ERC2: variants seen among roughly 807,000 people sequenced by gnomAD.
ERC2 encodes the protein ELKS/RAB6-interacting/CAST family member 2.
Under a neutral mutation model 114.8 loss-of-function variants are expected in ERC2, and 42 were observed. The ratio of observed to expected loss-of-function variants is 0.37; its 90% CI spans 0.29 to 0.47. The LOEUF (loss-of-function observed/expected upper bound fraction) is 0.47. Among genes scored for constraint, ERC2 ranks in the 20% least tolerant of loss-of-function variants. The probability of loss-of-function intolerance (pLI) is 0.99; values close to 1 mark genes in which losing one functional copy is unlikely to be tolerated. For missense variants in ERC2, 939 were observed against 1,150.7 expected, an observed-to-expected ratio of 0.82 and a Z score of 2.66; for synonymous variants, 454 against 425.5, an observed-to-expected ratio of 1.07 and a Z score of -0.82.
At chr3:56,330,780 A>T (rs1219626499) in intron 2 of ERC2, among the ~76,000 whole-genome samples, 1 of 152,242 alleles carries the variant, frequency 6.6e-6, no homozygotes, top group East Asian at 1.9e-4. Flanking sequence ...TTCTGGTCCC[A>T]GGCATCTTGG....
chr3:56,005,160 T>A (rs143748705), intron 10 of ERC2, among the ~76,000 whole-genome samples: 1 of 152,112 alleles, frequency 6.6e-6, no homozygotes, highest in African/African-American at 2.4e-5. Flanking sequence ...CACTGCACTA[T>A]GCATTTAGGA....
intron 17 of ERC2, among the ~76,000 whole-genome samples, chr3:55,513,054 C>T (rs2107136986): frequency 6.6e-6 from 1 of 152,340 alleles, no homozygotes; most frequent in East Asian, 1.9e-4. Context: ...TGATCCCTGG[C>T]CAGTCCTCCC....
chr3:56,457,062 A>T (rs2063097301), intron 1 of ERC2, among the ~76,000 whole-genome samples: 1 of 152,248 alleles, frequency 6.6e-6, no homozygotes, highest in Non-Finnish European at 1.5e-5. Context: ...ATTTCCATTC[A>T]TGAACTTTCT....
intron 17 of ERC2, among the ~76,000 whole-genome samples, chr3:55,673,542 C>A (rs1045280056): frequency 5.9e-5 from 9 of 152,058 alleles, no homozygotes; most frequent in Admixed American, 5.2e-4. Context: ...AAGATCACAC[C>A]ACTGCACTCT....
intron 14 of ERC2, among the ~76,000 whole-genome samples, chr3:55,815,232 T>G (rs757412741): frequency 6.6e-6 from 1 of 152,116 alleles, no homozygotes; most frequent in Admixed American, 6.6e-5. Flanking sequence ...CTTAGTGGGG[T>G]GTCATAGGCA....
intron 8 of ERC2, among the ~76,000 whole-genome samples, chr3:56,017,280 T>C (rs1473052946): frequency 6.6e-6 from 1 of 152,084 alleles, no homozygotes; most frequent in Non-Finnish European, 1.5e-5. Context: ...ATACCTACAA[T>C]AGGTGCCCAG....
chr3:55,553,520 C>G (rs1027453334), intron 17 of ERC2, among the ~76,000 whole-genome samples: 5 of 151,988 alleles, frequency 3.3e-5, no homozygotes, highest in Non-Finnish European at 7.4e-5. Context: ...GTGGCTCACC[C>G]CTGTAATCCC....
chr3:56,272,029 T>C (rs2053687976), intron 3 of ERC2, among the ~76,000 whole-genome samples: 1 of 152,152 alleles, frequency 6.6e-6, no homozygotes, highest in Non-Finnish European at 1.5e-5. Flanking sequence ...AATCATAAAG[T>C]TTAGTTTTAG....
intron 9 of ERC2, 94 bp from the exon 10 acceptor site, chr3:56,007,415 G>C (rs1300564222): frequency 9.0e-7 from 1 of 1,109,616 alleles, no homozygotes; most frequent in Admixed American, 2.7e-5. Flanking sequence ...TAGCAATAAA[G>C]TGTGCAGTAG....
intron 17 of ERC2, among the ~76,000 whole-genome samples, chr3:55,583,392 T>C (rs374881697): frequency 0.014 from 1,628 of 115,590 alleles, 42 homozygotes; most frequent in African/African-American, 0.059. Context: ...CTTTCTTTCC[T>C]TCCTTCTTTC....
At position 56,040,667 on chromosome 3, in the gene ERC2, TATAG is replaced by T. The variant is rs1183088321; in HGVS notation, c.1642-21640_1642-21637del. On this transcript the variant is annotated intron_variant, in intron 7 of 17. Transcript: ENST00000288221. ...ATAGATGTATATGTATATATACATA[TATAG>T]ATAGATACATATATCTCTATATAGA... is the stretch of plus-strand genomic sequence containing the variant. Among the ~76,000 whole-genome samples the T allele has an allele frequency of 9.3e-5, 13 of 140,408 alleles. No individual in the cohort carries two copies. The East Asian group carries it at 2.1e-3, about 23-fold the overall frequency. 92.1% of individuals were successfully genotyped at this position (140,408 alleles called of 152,430 possible). A position where few individuals can be genotyped will look rare whatever the true frequency, so the allele number is the denominator to read the frequency against.
At chr3:56,231,292 C>G (rs1042647980) in intron 3 of ERC2, among the ~76,000 whole-genome samples, 1 of 152,220 alleles carries the variant, frequency 6.6e-6, no homozygotes, top group African/African-American at 2.4e-5. Context: ...CAAAACCTAT[C>G]TTTGAAGGCC....
At chr3:55,786,032 G>A (rs1380156877) in intron 14 of ERC2, among the ~76,000 whole-genome samples, 1 of 152,136 alleles carries the variant, frequency 6.6e-6, no homozygotes, top group Non-Finnish European at 1.5e-5. Flanking sequence ...TATGGATCAT[G>A]CCTGTACATC....
chr3:56,152,565 C>G (rs1326146747), intron 4 of ERC2, among the ~76,000 whole-genome samples: 1 of 152,046 alleles, frequency 6.6e-6, no homozygotes, highest in Admixed American at 6.6e-5. Flanking sequence ...CTTAGCACCT[C>G]ACGTCTCAGG....
chr3:56,040,577 A>ATATATAATATATAGATGTATATG, intron 7 of ERC2, among the ~76,000 whole-genome samples: 1 of 2,282 alleles, frequency 4.4e-4, no homozygotes, highest in South Asian at 0.025. Flanking sequence ...GTATATATGT[A>ATATATAATATATAGATGTATATG]TACATATACA....
chr3:55,646,934 C>G (rs144341589), intron 17 of ERC2: 1 of 152,128 alleles, frequency 6.6e-6, no homozygotes, highest in African/African-American at 2.4e-5. Context: ...AACCTACAGT[C>G]CTAAAAGATA....
chr3:55,802,223 G>C (rs958327737), intron 14 of ERC2, among the ~76,000 whole-genome samples: 1 of 152,172 alleles, frequency 6.6e-6, no homozygotes, highest in African/African-American at 2.4e-5. Flanking sequence ...GTTATTAACT[G>C]CCTGTATCAC....
intron 17 of ERC2, among the ~76,000 whole-genome samples, chr3:55,520,324 T>TA (rs1299123664): frequency 6.6e-6 from 1 of 150,832 alleles, no homozygotes; most frequent in African/African-American, 2.4e-5. Context: ...TAATCCCAGC[T>TA]ACTCAGGAGG....
At chr3:55,934,631 C>A (rs1022841975) in intron 13 of ERC2, among the ~76,000 whole-genome samples, 1 of 152,082 alleles carries the variant, frequency 6.6e-6, no homozygotes, top group African/African-American at 2.4e-5. Flanking sequence ...TGCAGCCTCC[C>A]TTCTGAAATG....
Sources: allele counts gnomAD v4.1 joint callset (sites outside exome capture counted in the v4.1 genomes callset), GRCh38; gene constraint gnomAD v4.1.1; transcripts MANE v1.5; gene names NCBI Gene and HGNC (gene_info 2026-07-23, HGNC 2026-07-21).